The following SP3 variants were observed in gnomAD, a reference collection of about 807,000 sequenced individuals.
The protein encoded by SP3 is Sp3 transcription factor, also known as transcription factor Sp3.
Under a neutral mutation model 70.3 loss-of-function variants are expected in SP3, and 10 were observed. That is an observed-to-expected ratio of 0.14 (90% confidence interval 0.09 to 0.24). The LOEUF is 0.24. SP3 is among the 10% of genes least tolerant of loss of function. SP3 has a pLI of 1.00. For missense variants in SP3, 825 were observed against 914.6 expected, an observed-to-expected ratio of 0.90 and a Z score of 1.26; for synonymous variants, 402 against 333.5, an observed-to-expected ratio of 1.21 and a Z score of -2.24.
chr2:173,930,533 T>C (rs1352993409), intron 4 of SP3, among the ~76,000 whole-genome samples: 1 of 152,248 alleles, frequency 6.6e-6, no homozygotes, highest in East Asian at 1.9e-4. Flanking sequence ...AGCTCATCTC[T>C]TTCTTATAAC....
intron 5 of SP3, among the ~76,000 whole-genome samples, chr2:173,918,031 T>C (rs1024867534): frequency 6.6e-6 from 1 of 151,930 alleles, no homozygotes; most frequent in Non-Finnish European, 1.5e-5. Flanking sequence ...TCTCAATCTC[T>C]TCATTATTAA....
Position 173,904,462 on chromosome 2 carries a change from G to A in SP3, c.*5479C>T, listed in dbSNP as rs928670473. On this transcript the variant is annotated 3_prime_UTR_variant, in exon 7 of 7. Coordinates refer to ENST00000310015, the MANE Select transcript of SP3 (RefSeq NM_003111.5). Reference sequence around the variant, plus strand: ...CTGTAAGGTTTTAAGGCTATCTTGTGGAACCCCAGGAGGATGAAATGCAGA... The same window carrying A: ...CTGTAAGGTTTTAAGGCTATCTTGTAGAACCCCAGGAGGATGAAATGCAGA... 1.3e-5 allele frequency among the ~76,000 whole-genome samples: 2 copies of A among 152,074 alleles called. No individual in the cohort carries two copies. Among genetic ancestry groups the A allele is most frequent in the Non-Finnish European group, 2.9e-5 (2 of 68,026 alleles).
chr2:173,957,506 A>G (rs1397287691), intron 3 of SP3, among the ~76,000 whole-genome samples: 1 of 152,198 alleles, frequency 6.6e-6, no homozygotes, highest in Non-Finnish European at 1.5e-5. Context: ...AATCACAAAA[A>G]GAAACCCTAA....
intron 4 of SP3, among the ~76,000 whole-genome samples, chr2:173,929,905 C>T (rs545690957): frequency 9.2e-5 from 14 of 152,290 alleles, no homozygotes; most frequent in African/African-American, 3.4e-4. Flanking sequence ...AATTAGAAGG[C>T]TTATCTATTT....
chr2:173,903,400 TG>T lies in SP3; in HGVS notation c.*6540del, dbSNP rs1344490480. Among the ~76,000 whole-genome samples the T allele has an allele frequency of 2.0e-5, 3 of 152,200 alleles. No individual in the cohort carries two copies. Among genetic ancestry groups the T allele is most frequent in the African/African-American group, 7.2e-5 (3 of 41,450 alleles). ...CAGAACTGGGAGACAAGCAAGCCCA[TG>T]TGTGTCTAAGTCCCAAACCTATGCA... On this transcript the variant is annotated 3_prime_UTR_variant, in exon 7 of 7. Transcript: ENST00000310015.
chr2:173,939,664 C>T (rs1199867277), intron 4 of SP3, among the ~76,000 whole-genome samples: 3 of 146,496 alleles, frequency 2.0e-5, no homozygotes, highest in Non-Finnish European at 4.5e-5. Flanking sequence ...ACTCAGGAGG[C>T]TGAGGCAGGA....
intron 4 of SP3, among the ~76,000 whole-genome samples, chr2:173,947,458 GA>G (rs1690578901): frequency 6.6e-6 from 1 of 151,990 alleles, no homozygotes; most frequent in Non-Finnish European, 1.5e-5. Context: ...AAAAGAGAGA[GA>G]AACACTGACA....
intron 3 of SP3, among the ~76,000 whole-genome samples, chr2:173,959,934 C>A (rs1490411647): frequency 6.6e-6 from 1 of 152,168 alleles, no homozygotes; most frequent in African/African-American, 2.4e-5. Context: ...ACAAACAAAA[C>A]CTAGGCAGGT....
rs1327629199 is a variant in SP3 at position 173,903,204 on chromosome 2, T to C, written c.*6737A>G. On this transcript the variant is annotated 3_prime_UTR_variant, in exon 7 of 7. Transcript: ENST00000310015. ...TTCTTCCAGTGCTTACATTTACTAATACATAATATAATATGTGCCAGGCAT... is the reference window on the plus strand; with the variant it reads ...TTCTTCCAGTGCTTACATTTACTAACACATAATATAATATGTGCCAGGCAT... 1.3e-5 allele frequency among the ~76,000 whole-genome samples: 2 copies of C among 152,262 alleles called. No homozygotes were observed. The highest frequency in any genetic ancestry group is 2.9e-5 in the Non-Finnish European group (2 of 68,048).
intron 5 of SP3, chr2:173,916,242 G>A (rs879750429): frequency 6.6e-6 from 1 of 152,012 alleles, no homozygotes; most frequent in Non-Finnish European, 1.5e-5. Flanking sequence ...AGTCACAAAA[G>A]TTCTAGAAAA....
chr2:173,931,939 A>G (rs1690078671), intron 4 of SP3, among the ~76,000 whole-genome samples: 1 of 152,182 alleles, frequency 6.6e-6, no homozygotes, highest in Non-Finnish European at 1.5e-5. Context: ...CCATATCAGC[A>G]ATGAGACTGT....
chr2:173,965,527 C>T, upstream of SP3: 1 of 267,200 alleles, frequency 3.7e-6, no homozygotes, highest in Non-Finnish European at 7.2e-6. Context: ...CAATGAGCGG[C>T]CGTGGCAGCG....
chr2:173,905,677 G>T lies in SP3; in HGVS notation c.*4264C>A, dbSNP rs926371190. 6.8e-6 allele frequency among the ~76,000 whole-genome samples: 1 copy of T among 146,406 alleles called. No individual in the cohort carries two copies. The highest frequency in any genetic ancestry group is 2.5e-5 in the African/African-American group (1 of 40,086). On this transcript the variant is annotated 3_prime_UTR_variant, in exon 7 of 7. Transcript: ENST00000310015. ...TAACATCAAATAAAAGCCAACATGG[G>T]AAAAAAAAAAACCTTGTATACCCTT...
chr2:173,965,068 C>G, intron 1 of SP3, 97 bp downstream of exon 1: 2 of 1,486,380 alleles, frequency 1.3e-6, no homozygotes, highest in Non-Finnish European at 9.1e-7. Context: ...GTCGCACACA[C>G]GGGGCCGAGA....
In SP3 at chr2:173,904,480, A is replaced by G. The variant is rs79891374; in HGVS notation, c.*5461T>C. On this transcript the variant is annotated 3_prime_UTR_variant, in exon 7 of 7. Coordinates refer to ENST00000310015, the MANE Select transcript of SP3 (RefSeq NM_003111.5). Reference sequence around the variant, plus strand: ...ATCTTGTGGAACCCCAGGAGGATGAAATGCAGATAGTGAAATGCAAGACAC... The same window carrying G: ...ATCTTGTGGAACCCCAGGAGGATGAGATGCAGATAGTGAAATGCAAGACAC... Among the ~76,000 whole-genome samples the G allele has an allele frequency of 6.7e-6, 1 of 149,700 alleles. No individual in the cohort carries two copies. The highest frequency in any genetic ancestry group is 1.5e-5 in the Non-Finnish European group (1 of 67,924).
intron 6 of SP3, 55 bp downstream of exon 6, chr2:173,913,015 G>C: frequency 1.5e-6 from 2 of 1,324,926 alleles, no homozygotes; most frequent in Non-Finnish European, 2.0e-6. Context: ...AGAAGTCAAG[G>C]CAGTTATGTA....
chr2:173,939,552 T>C (rs1690299964), intron 4 of SP3, among the ~76,000 whole-genome samples: 1 of 151,908 alleles, frequency 6.6e-6, no homozygotes, highest in African/African-American at 2.4e-5. Context: ...TCACCTGAGG[T>C]CAGGAGTTTG....
At chr2:173,940,676 C>G (rs1358619511) in intron 4 of SP3, among the ~76,000 whole-genome samples, 1 of 152,200 alleles carries the variant, frequency 6.6e-6, no homozygotes, top group Non-Finnish European at 1.5e-5. Context: ...AAAAACACAA[C>G]TGTGCTAATT....
chr2:173,901,695 CTTTTTTT>C lies in SP3; in HGVS notation c.*8239_*8245del, dbSNP rs34329180. Among the ~76,000 whole-genome samples, 2 of 74,958 alleles carry C rather than the reference CTTTTTTT, an allele frequency of 2.7e-5. No individual in the cohort carries two copies. Among genetic ancestry groups the C allele is most frequent in the East Asian group, 5.0e-4 (1 of 2,010 alleles). 49.2% of individuals were successfully genotyped at this position (74,958 alleles called of 152,430 possible). A position where few individuals can be genotyped will look rare whatever the true frequency, so the allele number is the denominator to read the frequency against. On this transcript the variant is annotated 3_prime_UTR_variant, in exon 7 of 7. Transcript: ENST00000310015. ...GGGAAACAGTTAGTTGGACTTAAGC[CTTTTTTT>C]TTTTTTTTTTTTTTTTTGAGACGAA...
Sources: gnomAD v4.1 joint callset for allele counts (sites outside exome capture counted in the v4.1 genomes callset) on GRCh38, gnomAD v4.1.1 for gene constraint, MANE v1.5 for transcripts, NCBI Gene and HGNC (gene_info 2026-07-23, HGNC 2026-07-21) for gene names.